The following SORCS1 variants were observed in gnomAD, a reference collection of about 807,000 sequenced individuals.
SORCS1 encodes VPS10 domain-containing receptor SorCS1.
In SORCS1, 60 loss-of-function variants were observed where a neutral mutation model predicts 146.1. The ratio of observed to expected loss-of-function variants is 0.41; its 90% CI spans 0.33 to 0.51. The LOEUF (loss-of-function observed/expected upper bound fraction) is 0.51, where lower values mean the gene tolerates loss of function less well. SORCS1 is among the 20% of genes least tolerant of loss of function. The pLI is 0.21. For missense variants in SORCS1, 1,352 were observed against 1,487.6 expected (o/e 0.91, Z 1.50); for synonymous variants, 637 against 584.0 (o/e 1.09, Z -1.31).
At chr10:107,063,543 G>C (rs1961442652) in intron 1 of SORCS1, among the ~76,000 whole-genome samples, 1 of 152,152 alleles carries the variant, frequency 6.6e-6, no homozygotes, top group Non-Finnish European at 1.5e-5. Context: ...TCTGACACTA[G>C]AAGATGTTTA....
chr10:106,753,074 G>GAAAA (rs796542801), intron 5 of SORCS1, among the ~76,000 whole-genome samples: 68 of 142,878 alleles, frequency 4.8e-4, no homozygotes, highest in African/African-American at 1.7e-3. Context: ...GAGTATCTTG[G>GAAAA]AAAAAAAAAA....
the SORCS1 span, among the ~76,000 whole-genome samples, chr10:107,177,457 A>G: frequency 6.6e-6 from 1 of 152,200 alleles, no homozygotes; most frequent in East Asian, 1.9e-4. Context: ...CACCGCAAAG[A>G]TCTTTATGCT....
intron 2 of SORCS1, among the ~76,000 whole-genome samples, chr10:106,861,782 G>C (rs1046297383): frequency 1.4e-4 from 21 of 152,014 alleles, no homozygotes; most frequent in Admixed American, 1.3e-3. Context: ...CCAGCTACTC[G>C]GGAGGCTGAG....
chr10:106,982,719 T>G (rs2139362013), intron 1 of SORCS1, among the ~76,000 whole-genome samples: 1 of 152,306 alleles, frequency 6.6e-6, no homozygotes, highest in South Asian at 2.1e-4. Flanking sequence ...CCAGGATGAT[T>G]AAGTATACTA....
At chr10:106,947,213 T>C (rs556272438) in intron 2 of SORCS1, among the ~76,000 whole-genome samples, 1 of 152,338 alleles carries the variant, frequency 6.6e-6, no homozygotes, top group Admixed American at 6.5e-5. Context: ...CGTGTATGAT[T>C]TGTTGCAACC....
chr10:106,859,097 G>A (rs780008879), intron 2 of SORCS1, among the ~76,000 whole-genome samples: 100 of 152,326 alleles, frequency 6.6e-4, no homozygotes, highest in Non-Finnish European at 1.1e-3. Flanking sequence ...AAGCAGACAA[G>A]CTGGTACTGG....
At chr10:106,615,042 C>T (rs915652639) in intron 21 of SORCS1, among the ~76,000 whole-genome samples, 1 of 7,024 alleles carries the variant, frequency 1.4e-4, no homozygotes, top group Admixed American at 2.7e-3. Flanking sequence ...TCAGTCCCAT[C>T]ATGACAATAG....
intron 3 of SORCS1, among the ~76,000 whole-genome samples, chr10:106,824,565 G>A (rs1948204792): frequency 6.6e-6 from 1 of 150,534 alleles, no homozygotes; most frequent in South Asian, 2.1e-4. Context: ...CTCCAGCCTG[G>A]GCAATAGAGT....
rs1564852083 is a variant in SORCS1, at chr10:106,956,545, G to A, written c.594C>T (p.Asn198=). 2 of 1,614,162 alleles carry A rather than the reference G, an allele frequency of 1.2e-6. No homozygotes were observed. Among genetic ancestry groups the A allele is most frequent in the Non-Finnish European group, 1.7e-6 (2 of 1,180,012 alleles). Residue 198 remains asparagine (N), a synonymous_variant, in exon 2 of 26, where the codon AAC becomes AAT. Coordinates refer to ENST00000263054, the MANE Select transcript of SORCS1 (RefSeq NM_052918.5). ...GCGAGCTCTCTGTGATGCTCCCCAG[G>A]TTATAGTCATAGAGCTTTGTCAAAA... ...ILILTKLYDY[N]LGSITESSLW...
At chr10:107,137,720 G>C (rs1967440411) in intron 1 of SORCS1, among the ~76,000 whole-genome samples, 1 of 152,012 alleles carries the variant, frequency 6.6e-6, no homozygotes, top group South Asian at 2.1e-4. Context: ...AAATTAGCTG[G>C]GCCTGGTGGC....
chr10:107,160,565 C>A (rs908944738), intron 1 of SORCS1, among the ~76,000 whole-genome samples: 1 of 152,142 alleles, frequency 6.6e-6, no homozygotes, highest in Non-Finnish European at 1.5e-5. Flanking sequence ...ATCAAGCAGT[C>A]CATCATGTGC....
intron 1 of SORCS1, among the ~76,000 whole-genome samples, chr10:107,133,123 G>A (rs1966990231): frequency 3.3e-5 from 5 of 152,190 alleles, no homozygotes; most frequent in Admixed American, 3.3e-4. Flanking sequence ...AGAAAGGCCA[G>A]ATTGGTTGAA....
intron 1 of SORCS1, among the ~76,000 whole-genome samples, chr10:107,048,424 T>G (rs1959725368): frequency 6.6e-6 from 1 of 152,210 alleles, no homozygotes; most frequent in Admixed American, 6.5e-5. Context: ...AATCCTATAC[T>G]CTACGTTTAT....
At chr10:106,609,266 G>T (rs539910284) in intron 22 of SORCS1, among the ~76,000 whole-genome samples, 1 of 152,150 alleles carries the variant, frequency 6.6e-6, no homozygotes, top group Admixed American at 6.5e-5. Context: ...TTACTAGACT[G>T]TAAACTCAGA....
intron 3 of SORCS1, among the ~76,000 whole-genome samples, chr10:106,814,710 C>T (rs376820731): frequency 7.9e-5 from 12 of 151,952 alleles, no homozygotes; most frequent in African/African-American, 2.7e-4. Context: ...GTCAGGAGAT[C>T]GAGACCATCC....
At chr10:107,038,954 A>AAC (rs1959039167) in intron 1 of SORCS1, among the ~76,000 whole-genome samples, 1 of 152,174 alleles carries the variant, frequency 6.6e-6, no homozygotes, top group Non-Finnish European at 1.5e-5. Context: ...TACAAAGCAA[A>AAC]ACATAAATAA....
intron 3 of SORCS1, among the ~76,000 whole-genome samples, chr10:106,808,721 C>T (rs984553194): frequency 3.9e-5 from 6 of 152,106 alleles, no homozygotes; most frequent in African/African-American, 9.7e-5. Context: ...CCAGGATGTT[C>T]TCCACCTCCT....
chr10:106,795,023 T>C (rs1391956253), intron 3 of SORCS1, among the ~76,000 whole-genome samples: 1 of 152,222 alleles, frequency 6.6e-6, no homozygotes, highest in South Asian at 2.1e-4. Flanking sequence ...AGCTATGAAA[T>C]GAGGCTAACA....
chr10:107,152,728 A>C (rs1325103204), intron 1 of SORCS1, among the ~76,000 whole-genome samples: 1 of 152,162 alleles, frequency 6.6e-6, no homozygotes, highest in Non-Finnish European at 1.5e-5. Context: ...GCGACACCGA[A>C]CTGTGAGTCA....
Sources: allele counts gnomAD v4.1 joint callset (sites outside exome capture counted in the v4.1 genomes callset), GRCh38; gene constraint gnomAD v4.1.1; transcripts MANE v1.5; gene names NCBI Gene and HGNC (gene_info 2026-07-23, HGNC 2026-07-21).